LIMS1: variants seen among roughly 807,000 people sequenced by gnomAD.
The protein encoded by LIMS1 is LIM and senescent cell antigen-like-containing domain protein 1.
LIMS1 carries 18 observed loss-of-function variants against 44.1 expected under a neutral mutation model. The observed-to-expected ratio is 0.41, with a 90% CI of 0.28 to 0.61. LIMS1 has a LOEUF of 0.61. Among genes scored for constraint, LIMS1 ranks in the 20% least tolerant of loss-of-function variants. The pLI, the probability that LIMS1 is intolerant of heterozygous loss-of-function variation, is 0.32. For missense variants in LIMS1, 201 were observed against 422.0 expected (o/e 0.48, Z 4.59); for synonymous variants, 93 against 149.1 (o/e 0.62, Z 2.74).
At chr2:108,683,763 G>A (rs112980163) in intron 9 of LIMS1, 122 bp from the exon 10 acceptor site, 2 of 459,332 alleles carry the variant, frequency 4.4e-6, no homozygotes, top group African/African-American at 2.0e-5. Context: ...TTACTAACAT[G>A]AATATAATAT....
chr2:108,563,126 A>G (rs921861831), intron 1 of LIMS1, among the ~76,000 whole-genome samples: 2 of 152,230 alleles, frequency 1.3e-5, no homozygotes, highest in Non-Finnish European at 2.9e-5. Flanking sequence ...TTCCTTTTAA[A>G]ACATTGTTCA....
At chr2:108,534,691 C>T (rs1684057204) in intron 1 of LIMS1, 97 bp downstream of exon 1, 1 of 702,354 alleles carries the variant, frequency 1.4e-6, no homozygotes, top group Non-Finnish European at 1.7e-6. Context: ...GGCGGGCGGC[C>T]GGGCTTTCCC....
chr2:108,661,437 G>C (rs1260508446), intron 2 of LIMS1, among the ~76,000 whole-genome samples: 1 of 151,850 alleles, frequency 6.6e-6, no homozygotes, highest in Non-Finnish European at 1.5e-5. Context: ...TGGGCAGTGG[G>C]AATCTTTTGG....
chr2:108,591,971 C>T (rs2465952), intron 1 of LIMS1, among the ~76,000 whole-genome samples: 101,025 of 151,634 alleles, frequency 0.67, 34,346 homozygotes, highest in East Asian at 0.97. Flanking sequence ...ATTTTTGTAT[C>T]TTTGGTAGAG....
At chr2:108,556,721 G>T (rs1196567149) in intron 1 of LIMS1, among the ~76,000 whole-genome samples, 1 of 152,190 alleles carries the variant, frequency 6.6e-6, no homozygotes, top group African/African-American at 2.4e-5. Context: ...CTGTTCTCAT[G>T]AATGCAGAAT....
intron 1 of LIMS1, among the ~76,000 whole-genome samples, chr2:108,553,308 T>C (rs1684822427): frequency 6.6e-6 from 1 of 152,204 alleles, no homozygotes; most frequent in African/African-American, 2.4e-5. Flanking sequence ...CTTTTAACTG[T>C]TGGTCCTTTT....
At chr2:108,542,047 G>A (rs1303875893) in intron 1 of LIMS1, among the ~76,000 whole-genome samples, 3 of 152,164 alleles carry the variant, frequency 2.0e-5, no homozygotes, top group Non-Finnish European at 2.9e-5. Context: ...CTGCACAGTA[G>A]GCTTTATTTC....
chr2:108,546,712 A>G (rs550197907), intron 1 of LIMS1, among the ~76,000 whole-genome samples: 26 of 149,990 alleles, frequency 1.7e-4, no homozygotes, highest in African/African-American at 5.2e-4. Context: ...TGGTATAAAT[A>G]GTTTTATGTT....
intron 1 of LIMS1, among the ~76,000 whole-genome samples, chr2:108,587,015 A>G (rs1286361044): frequency 2.6e-5 from 4 of 152,132 alleles, no homozygotes. Context: ...AGAGCTCCCA[A>G]ACTAGCTGGG....
At chr2:108,639,430 C>T (rs1488178354) in intron 1 of LIMS1, among the ~76,000 whole-genome samples, 1 of 152,176 alleles carries the variant, frequency 6.6e-6, no homozygotes, top group Non-Finnish European at 1.5e-5. Context: ...TATTTAAGAT[C>T]ATATATCATA....
intron 1 of LIMS1, among the ~76,000 whole-genome samples, chr2:108,538,434 G>A (rs769890488): frequency 5.9e-5 from 9 of 152,124 alleles, no homozygotes; most frequent in Non-Finnish European, 1.3e-4. Flanking sequence ...TAAAGCAAGT[G>A]CTGAAGAGTG....
chr2:108,664,676 TTCTC>T (rs756681150), intron 2 of LIMS1, among the ~76,000 whole-genome samples: 2 of 152,214 alleles, frequency 1.3e-5, no homozygotes, highest in East Asian at 1.9e-4. Flanking sequence ...CTTCTGGCCT[TTCTC>T]TCAGGCTCAA....
At chr2:108,669,189 C>G (rs1691992093) in intron 2 of LIMS1, among the ~76,000 whole-genome samples, 1 of 152,154 alleles carries the variant, frequency 6.6e-6, no homozygotes, top group Non-Finnish European at 1.5e-5. Flanking sequence ...GGGAGGATCA[C>G]TTGAGGTCAG....
intron 1 of LIMS1, among the ~76,000 whole-genome samples, chr2:108,617,828 C>T (rs577743254): frequency 5.1e-4 from 78 of 152,154 alleles, no homozygotes; most frequent in Non-Finnish European, 1.0e-3. Flanking sequence ...CTCCTGGAGT[C>T]CAGTCCTCTC....
At chr2:108,673,906 C>T (rs2433832) in intron 5 of LIMS1, 2 of 152,156 alleles carry the variant, frequency 1.3e-5, no homozygotes, top group Non-Finnish European at 2.9e-5. Context: ...GATGTTGTTA[C>T]ATTTATTTAA....
At chr2:108,642,365 GT>G (rs1218993215) in intron 1 of LIMS1, among the ~76,000 whole-genome samples, 203 of 15,782 alleles carry the variant, frequency 0.013, 14 homozygotes, top group African/African-American at 0.028. Flanking sequence ...TTTGTTTTTT[GT>G]TTTTTTTTTT....
chr2:108,584,068 C>T (rs754136646), intron 1 of LIMS1, among the ~76,000 whole-genome samples: 13 of 152,118 alleles, frequency 8.5e-5, no homozygotes, highest in Non-Finnish European at 1.2e-4. Flanking sequence ...AAGGCTGGTT[C>T]TTCTCTCAGG....
At chr2:108,670,399 G>A (rs970170752) in intron 2 of LIMS1, among the ~76,000 whole-genome samples, 2 of 151,368 alleles carry the variant, frequency 1.3e-5, no homozygotes, top group African/African-American at 4.9e-5. Context: ...TACAGATATC[G>A]ACCTGAAAAA....
chr2:108,647,222 G>T (rs953324445), intron 1 of LIMS1, among the ~76,000 whole-genome samples: 2 of 152,120 alleles, frequency 1.3e-5, no homozygotes, highest in African/African-American at 4.8e-5. Context: ...TAGAAGAAAT[G>T]GATAAATCGC....
Sources: gnomAD v4.1 joint callset for allele counts (sites outside exome capture counted in the v4.1 genomes callset) on GRCh38, gnomAD v4.1.1 for gene constraint, MANE v1.5 for transcripts, NCBI Gene and HGNC (gene_info 2026-07-23, HGNC 2026-07-21) for gene names.